Variants in ATP9B observed in about 807,000 individuals in gnomAD.
ATP9B encodes probable phospholipid-transporting ATPase IIB.
Under a neutral mutation model 146.1 loss-of-function variants are expected in ATP9B, and 110 were observed. That is an observed-to-expected ratio of 0.75 (90% CI 0.65 to 0.88). ATP9B has a LOEUF of 0.88. Ranked by LOEUF, ATP9B falls within the 40% of genes least tolerant of loss-of-function variation. The pLI is 0.00. For synonymous variants in ATP9B, 604 were observed against 569.7 expected, an observed-to-expected ratio of 1.06 and a Z score of -0.86; for missense variants, 1,499 against 1,496.4, an observed-to-expected ratio of 1.00 and a Z score of -0.03.
At chr18:79,307,772 C>G (rs756291754) in intron 15 of ATP9B, among the ~76,000 whole-genome samples, 2 of 152,176 alleles carry the variant, frequency 1.3e-5, no homozygotes, top group Non-Finnish European at 2.9e-5. Flanking sequence ...TTACATCACT[C>G]TTTGATTTTT....
chr18:79,218,653 C>T (rs1045532988), intron 11 of ATP9B, among the ~76,000 whole-genome samples: 1 of 152,186 alleles, frequency 6.6e-6, no homozygotes, highest in East Asian at 1.9e-4. Flanking sequence ...TATTCTGGGT[C>T]CAGCGCAGGC....
At chr18:79,125,388 C>T (rs1228702103) in intron 4 of ATP9B, among the ~76,000 whole-genome samples, 1 of 152,138 alleles carries the variant, frequency 6.6e-6, no homozygotes, top group African/African-American at 2.4e-5. Context: ...TCAAATAGGA[C>T]ACTTGAGAAA....
intron 12 of ATP9B, among the ~76,000 whole-genome samples, chr18:79,262,685 C>A (rs571796219): frequency 3.3e-5 from 5 of 152,320 alleles, no homozygotes; most frequent in Non-Finnish European, 7.4e-5. Context: ...CACAGTCCAT[C>A]CCCTTTACGT....
chr18:79,292,392 A>G (rs2096514528), intron 13 of ATP9B, among the ~76,000 whole-genome samples: 1 of 152,244 alleles, frequency 6.6e-6, no homozygotes, highest in Non-Finnish European at 1.5e-5. Context: ...ATGAAATTGT[A>G]TTTCTGTATG....
chr18:79,180,257 C>T (rs1466861852), intron 8 of ATP9B, among the ~76,000 whole-genome samples: 3 of 152,004 alleles, frequency 2.0e-5, no homozygotes, highest in Admixed American at 6.6e-5. Context: ...TGTGGTTGAG[C>T]GGAAGTCAGT....
At chr18:79,123,877 G>T (rs114993578) in intron 4 of ATP9B, among the ~76,000 whole-genome samples, 4,061 of 152,272 alleles carry the variant, frequency 0.027, 202 homozygotes, top group African/African-American at 0.093. Context: ...TTTACCCAAA[G>T]AAGATATACA....
At chr18:79,088,318 A>G (rs1259289416) in intron 1 of ATP9B, among the ~76,000 whole-genome samples, 2 of 152,240 alleles carry the variant, frequency 1.3e-5, no homozygotes, top group African/African-American at 4.8e-5. Flanking sequence ...TTATATTACA[A>G]TATATTTATG....
chr18:79,326,553 C>T (rs1303587328), intron 15 of ATP9B, among the ~76,000 whole-genome samples: 3 of 151,862 alleles, frequency 2.0e-5, no homozygotes, highest in Non-Finnish European at 4.4e-5. Flanking sequence ...TCTCCCTGCA[C>T]ATGGTGTTAA....
At chr18:79,094,648 G>A (rs1210774916) in intron 1 of ATP9B, among the ~76,000 whole-genome samples, 1 of 152,202 alleles carries the variant, frequency 6.6e-6, no homozygotes, top group Non-Finnish European at 1.5e-5. Context: ...CTTTGCTGGG[G>A]CTGTGGCTAG....
chr18:79,174,992 A>AG (rs1448395299), intron 7 of ATP9B, among the ~76,000 whole-genome samples: 1 of 152,052 alleles, frequency 6.6e-6, no homozygotes, highest in African/African-American at 2.4e-5. Flanking sequence ...TGAGGTCAAG[A>AG]GATCGAGACC....
intron 4 of ATP9B, among the ~76,000 whole-genome samples, chr18:79,120,410 A>G (rs1310868585): frequency 2.0e-5 from 3 of 152,214 alleles, no homozygotes; most frequent in South Asian, 4.1e-4. Context: ...TAAAATTGAG[A>G]TGTTTTTGAA....
intron 6 of ATP9B, chr18:79,145,269 A>G (rs55657953): frequency 9.3e-6 from 1 of 107,982 alleles, no homozygotes; most frequent in South Asian, 1.4e-4. Flanking sequence ...ATGTCGGGGG[A>G]GCTGGCGGTG....
chr18:79,128,323 G>A (rs2094322784), intron 5 of ATP9B, among the ~76,000 whole-genome samples: 1 of 152,202 alleles, frequency 6.6e-6, no homozygotes, highest in African/African-American at 2.4e-5. Flanking sequence ...TTCCCAAAGT[G>A]CTGGGATTAC....
chr18:79,216,262 G>A (rs1215439555), intron 11 of ATP9B, among the ~76,000 whole-genome samples: 1 of 151,924 alleles, frequency 6.6e-6, no homozygotes, highest in African/African-American at 2.4e-5. Flanking sequence ...CTTTACTCAG[G>A]GTCTTGGTTC....
At chr18:79,199,881 G>A (rs1568386189) in intron 9 of ATP9B, among the ~76,000 whole-genome samples, 2 of 152,234 alleles carry the variant, frequency 1.3e-5, no homozygotes, top group Admixed American at 6.5e-5. Context: ...AGATCTCCAC[G>A]TGTAATAACA....
chr18:79,088,305 G>T (rs1408908743), intron 1 of ATP9B, among the ~76,000 whole-genome samples: 1 of 152,068 alleles, frequency 6.6e-6, no homozygotes, highest in African/African-American at 2.4e-5. Flanking sequence ...CTCATTTAGG[G>T]TATTATATTA....
At position 79,110,433 on chromosome 18, in the gene ATP9B, A is replaced by G; in HGVS notation, c.372A>G (p.Glu124=). ...KARTVWLGCP[E]KCEEKHPRNS... ...GCACAGTATGGCTTGGATGTCCTGA[A>G]AAGTGTGAAGAAAAACATCCCAGGA... Residue 124 remains glutamate, a synonymous_variant, in exon 3 of 30, where the codon GAA becomes GAG. Coordinates refer to ENST00000426216, the MANE Select transcript of ATP9B (RefSeq NM_198531.5). 6.2e-7 allele frequency: 1 copy of G among 1,613,120 alleles called. No homozygotes were observed. The highest frequency in any genetic ancestry group is 8.5e-7 in the Non-Finnish European group (1 of 1,179,322).
chr18:79,313,161 G>A (rs979024165), intron 15 of ATP9B, among the ~76,000 whole-genome samples: 5 of 152,198 alleles, frequency 3.3e-5, no homozygotes, highest in Non-Finnish European at 5.9e-5. Context: ...TCAGAACCAC[G>A]TTTGGAATTG....
intron 9 of ATP9B, among the ~76,000 whole-genome samples, chr18:79,203,447 A>C (rs1160680714): frequency 1.3e-5 from 2 of 152,246 alleles, no homozygotes; most frequent in Non-Finnish European, 2.9e-5. Flanking sequence ...CAGAGTAACC[A>C]CAGGCAGGTG....
Sources: gnomAD v4.1 joint callset for allele counts (sites outside exome capture counted in the v4.1 genomes callset) on GRCh38, gnomAD v4.1.1 for gene constraint, MANE v1.5 for transcripts, NCBI Gene and HGNC (gene_info 2026-07-23, HGNC 2026-07-21) for gene names.